Variants in DLGAP1 observed in about 807,000 individuals in gnomAD.
DLGAP1 encodes the protein disks large-associated protein 1.
DLGAP1 carries 11 observed loss-of-function variants against 90.8 expected under a neutral mutation model. The observed-to-expected ratio is 0.12, with a 90% CI of 0.08 to 0.20. The LOEUF (loss-of-function observed/expected upper bound fraction) is 0.20, where lower values mean the gene tolerates loss of function less well. Ranked by LOEUF, DLGAP1 falls within the 10% of genes least tolerant of loss-of-function variation. DLGAP1 has a pLI of 1.00. For synonymous variants in DLGAP1, 558 were observed against 540.7 expected (o/e 1.03, Z -0.44); for missense variants, 1,050 against 1,333.8 (o/e 0.79, Z 3.31).
chr18:4,201,043 A>C (rs1216510507), intron 1 of DLGAP1, among the ~76,000 whole-genome samples: 1 of 152,150 alleles, frequency 6.6e-6, no homozygotes, highest in African/African-American at 2.4e-5. Flanking sequence ...TAGATTCTAG[A>C]TATTAGTCCC....
chr18:4,181,019 A>G (rs538901082), intron 1 of DLGAP1, among the ~76,000 whole-genome samples: 1 of 152,318 alleles, frequency 6.6e-6, no homozygotes, highest in East Asian at 1.9e-4. Context: ...AGCAAAAATA[A>G]AATAATATTC....
chr18:3,627,851 C>T (rs1396323177), intron 7 of DLGAP1, among the ~76,000 whole-genome samples: 2 of 149,840 alleles, frequency 1.3e-5, no homozygotes, highest in African/African-American at 4.9e-5. Context: ...TCCTTCCTTC[C>T]CTCCCTTCCT....
chr18:4,203,231 C>T (rs536779049), intron 1 of DLGAP1, among the ~76,000 whole-genome samples: 24 of 149,004 alleles, frequency 1.6e-4, no homozygotes, highest in South Asian at 6.4e-4. Context: ...GATGAGATCG[C>T]GCCACTGCAC....
chr18:3,765,965 C>A (rs2064224257), intron 5 of DLGAP1, among the ~76,000 whole-genome samples: 1 of 151,790 alleles, frequency 6.6e-6, no homozygotes, highest in Non-Finnish European at 1.5e-5. Flanking sequence ...AAACAGAAAA[C>A]AAAATAAAAA....
At chr18:3,547,507 T>A (rs1317619723) in intron 9 of DLGAP1, among the ~76,000 whole-genome samples, 1 of 151,512 alleles carries the variant, frequency 6.6e-6, no homozygotes, top group Non-Finnish European at 1.5e-5. Flanking sequence ...AATAGAGACA[T>A]GAAAAGACAA....
At chr18:4,290,450 C>A (rs1234744210) in intron 1 of DLGAP1, among the ~76,000 whole-genome samples, 1 of 152,104 alleles carries the variant, frequency 6.6e-6, no homozygotes, top group East Asian at 1.9e-4. Context: ...GAGACAATAG[C>A]TGTGTACACA....
intron 1 of DLGAP1, among the ~76,000 whole-genome samples, chr18:4,235,435 G>C (rs955452785): frequency 7.9e-5 from 12 of 152,098 alleles, no homozygotes; most frequent in Admixed American, 3.9e-4. Flanking sequence ...AATTGCTCAT[G>C]TTGGCCTGTA....
chr18:3,855,710 T>C (rs1599015013), intron 4 of DLGAP1, among the ~76,000 whole-genome samples: 1 of 152,228 alleles, frequency 6.6e-6, no homozygotes, highest in African/African-American at 2.4e-5. Context: ...ACCTCCCCGG[T>C]ACAAGCAATT....
intron 2 of DLGAP1, among the ~76,000 whole-genome samples, chr18:4,105,076 G>T (rs893550529): frequency 1.3e-5 from 2 of 152,162 alleles, no homozygotes; most frequent in Non-Finnish European, 2.9e-5. Context: ...ACAGAGATGA[G>T]TCAAACAAGG....
intron 2 of DLGAP1, among the ~76,000 whole-genome samples, chr18:4,148,094 T>C (rs1205442490): frequency 6.6e-6 from 1 of 152,096 alleles, no homozygotes; most frequent in Admixed American, 6.6e-5. Flanking sequence ...AGACAGAAAC[T>C]AAAAGCCATG....
At chr18:3,824,407 C>G (rs1039801669) in intron 4 of DLGAP1, among the ~76,000 whole-genome samples, 1 of 152,122 alleles carries the variant, frequency 6.6e-6, no homozygotes, top group Non-Finnish European at 1.5e-5. Context: ...TGTTGCTATA[C>G]ACACCCAACT....
intron 2 of DLGAP1, among the ~76,000 whole-genome samples, chr18:4,070,165 T>C (rs1231092870): frequency 6.6e-6 from 1 of 152,120 alleles, no homozygotes; most frequent in African/African-American, 2.4e-5. Flanking sequence ...GTATTTTTAG[T>C]AGAGATAGGG....
rs59592467 is a variant in DLGAP1 at position 4,027,503 on chromosome 18, CAAAAAAAAAAAAAAAAAAA to C, written c.-158-22321_-158-22303del. 2.5e-3 allele frequency among the ~76,000 whole-genome samples: 138 copies of C among 55,624 alleles called. 1 individual carries two copies. Among genetic ancestry groups the C allele is most frequent in the Non-Finnish European group, 3.7e-3 (119 of 32,196 alleles). The allele number at this position is 55,624 out of a possible 152,430, so 36.5% of individuals were successfully genotyped here. Reference sequence around the variant, plus strand: ...TAGGTGACAGAGCAAGACTCCGTCTCAAAAAAAAAAAAAAAAAAAAAAAAAAAAAAAAAGAATAATGATA... The same window carrying C: ...TAGGTGACAGAGCAAGACTCCGTCTCAAAAAAAAAAAAAAGAATAATGATA... On this transcript the variant is annotated intron_variant, in intron 2 of 12. Coordinates refer to ENST00000315677, the MANE Select transcript of DLGAP1 (RefSeq NM_004746.4).
intron 7 of DLGAP1, among the ~76,000 whole-genome samples, chr18:3,616,686 T>A (rs987967540): frequency 3.3e-5 from 5 of 151,330 alleles, no homozygotes; most frequent in Non-Finnish European, 1.5e-5. Context: ...GCCCAGAAGG[T>A]CGAGGCTGCA....
At chr18:4,349,139 C>A (rs1260810574) in intron 1 of DLGAP1, among the ~76,000 whole-genome samples, 1 of 152,090 alleles carries the variant, frequency 6.6e-6, no homozygotes, top group Non-Finnish European at 1.5e-5. Context: ...ATTAACATCA[C>A]CAGGAATGAG....
rs111658352 is a variant in DLGAP1, at chr18:3,647,255, A to AAAATAAAT, written c.1592-65015_1592-65008dup. On this transcript the variant is annotated intron_variant, in intron 7 of 12. Coordinates refer to ENST00000315677, the MANE Select transcript of DLGAP1 (RefSeq NM_004746.4). ...GGCAACAAGAGTGAAAATCCATCTCAAAATAAATAAATAAATAAATAAAAA... is the reference window on the plus strand; with the variant it reads ...GGCAACAAGAGTGAAAATCCATCTCAAAATAAATAAATAAATAAATAAATAAATAAAAA... 1.9e-3 allele frequency among the ~76,000 whole-genome samples: 286 copies of AAAATAAAT among 150,084 alleles called. 2 individuals carry two copies. Among genetic ancestry groups the AAAATAAAT allele is most frequent in the African/African-American group, 6.7e-3 (271 of 40,552 alleles).
chr18:3,807,588 TA>T (rs1029655688), intron 5 of DLGAP1, among the ~76,000 whole-genome samples: 21 of 151,826 alleles, frequency 1.4e-4, no homozygotes, highest in South Asian at 4.2e-4. Flanking sequence ...CCCTCCTACT[TA>T]AAAAAAAATT....
chr18:3,528,337 C>A (rs766331601), intron 10 of DLGAP1, among the ~76,000 whole-genome samples: 7 of 152,094 alleles, frequency 4.6e-5, no homozygotes, highest in Admixed American at 2.0e-4. Flanking sequence ...TCTTCCTTAC[C>A]GCCCCTCTTA....
chr18:3,697,079 TTCTG>T (rs1392782832), intron 7 of DLGAP1, among the ~76,000 whole-genome samples: 1 of 152,218 alleles, frequency 6.6e-6, no homozygotes, highest in Admixed American at 6.5e-5. Flanking sequence ...TATTTGATTC[TTCTG>T]TCTTTCTTCT....
Sources: gnomAD v4.1 joint callset for allele counts (sites outside exome capture counted in the v4.1 genomes callset) on GRCh38, gnomAD v4.1.1 for gene constraint, MANE v1.5 for transcripts, NCBI Gene and HGNC (gene_info 2026-07-23, HGNC 2026-07-21) for gene names.